The following HMGB1 variants were observed in gnomAD, a reference collection of about 807,000 sequenced individuals.
The protein encoded by HMGB1 is high mobility group protein B1.
For synonymous variants in HMGB1, 81 were observed against 84.0 expected, an observed-to-expected ratio of 0.96 and a Z score of 0.19; for missense variants, 79 against 253.5, an observed-to-expected ratio of 0.31 and a Z score of 4.67.
intron 1 of HMGB1, among the ~76,000 whole-genome samples, chr13:30,605,867 C>T (rs1337769602): frequency 6.6e-6 from 1 of 152,168 alleles, no homozygotes; most frequent in Non-Finnish European, 1.5e-5. Context: ...CCTGTATGTA[C>T]TGTGTATTGT....
At position 30,531,895 on chromosome 13, in the gene HMGB1, AAAAT is replaced by A. The variant is rs939076277; in HGVS notation, c.-14-68205_-14-68202del. 5.3e-5 allele frequency among the ~76,000 whole-genome samples: 8 copies of A among 151,364 alleles called. No homozygotes were observed. The East Asian group carries it at 7.8e-4, about 15-fold the overall frequency. The stretch of plus-strand genomic sequence containing the variant: ...CTGGGCAATAGGGCAAGACTGTCTC[AAAAT>A]AAATAAATAAATAATAAATAAAATA... On this transcript the variant is annotated intron_variant, in intron 1 of 4. Coordinates refer to the HMGB1 transcript ENST00000405805.
At chr13:30,617,051 C>CT (rs1241555689) in exon 1 of HMGB1, 1 of 152,192 alleles carries the variant, frequency 6.6e-6, no homozygotes, top group Non-Finnish European at 1.5e-5. Context: ...CATGACCTTC[C>CT]TACGAAAGCA....
rs957146057 is a variant in HMGB1, at chr13:30,459,553, C to G, written c.*1804G>C. 6.6e-6 allele frequency: 1 copy of G among 152,216 alleles called. No homozygotes were observed. The highest frequency in any genetic ancestry group is 1.5e-5 in the Non-Finnish European group (1 of 68,036). 9.4% of individuals were successfully genotyped at this position (152,216 alleles called of 1,614,324 possible). Reference sequence around the variant, plus strand: ...TGTTCGACACAATTGCAGCCTATCACTAACCCTGCTGTTCGCTTGCATGTA... The same window carrying G: ...TGTTCGACACAATTGCAGCCTATCAGTAACCCTGCTGTTCGCTTGCATGTA... On this transcript the variant is annotated 3_prime_UTR_variant, in exon 5 of 5. Transcript: ENST00000341423.
At chr13:30,555,103 G>A (rs1310884472) in intron 1 of HMGB1, among the ~76,000 whole-genome samples, 2 of 145,802 alleles carry the variant, frequency 1.4e-5, no homozygotes, top group African/African-American at 2.6e-5. Flanking sequence ...GTACAGTGGC[G>A]CGATCTCGGC....
At chr13:30,569,810 A>G (rs1233984078) in intron 1 of HMGB1, among the ~76,000 whole-genome samples, 1 of 152,194 alleles carries the variant, frequency 6.6e-6, no homozygotes. Context: ...AAAAATGTAA[A>G]TAAGAAGGCT....
rs561081332 is a variant in HMGB1, at chr13:30,570,558, CCTT to C, written c.-15+46110_-15+46112del. 2.0e-5 allele frequency among the ~76,000 whole-genome samples: 3 copies of C among 152,166 alleles called. No homozygotes were observed. The South Asian group carries it at 6.2e-4, about 31-fold the overall frequency. ...GACACATAGGGGTCTACTTACATATCCTTCATGTAATTGAGCTTTTGTAAATCA... is the reference window on the plus strand; with the variant it reads ...GACACATAGGGGTCTACTTACATATCCATGTAATTGAGCTTTTGTAAATCA... On this transcript the variant is annotated intron_variant, in intron 1 of 4. Coordinates refer to the HMGB1 transcript ENST00000405805.
rs768381868 is a variant in HMGB1, at chr13:30,456,760, C to CCG, written c.*4596_*4597insCG. Reference sequence around the variant, plus strand: ...CAGCATAAATAACAGCTTTTGTGGGCGGGGGGGGGGGGTGGTGGGGTGCAA... The same window carrying CCG: ...CAGCATAAATAACAGCTTTTGTGGGCCGGGGGGGGGGGGGTGGTGGGGTGCAA... On this transcript the variant is annotated 3_prime_UTR_variant, in exon 5 of 5. Transcript: ENST00000341423. 34 of 13,542 alleles carry CCG rather than the reference C, an allele frequency of 2.5e-3. 1 individual carries two copies. The East Asian group carries it at 0.036, about 14-fold the overall frequency. The allele number at this position is 13,542 out of a possible 1,614,324, so 0.8% of individuals were successfully genotyped here. A position where few individuals can be genotyped will look rare whatever the true frequency, so the allele number is the denominator to read the frequency against.
intron 1 of HMGB1, among the ~76,000 whole-genome samples, chr13:30,592,870 T>TA (rs1370630067): frequency 0.019 from 2,830 of 149,490 alleles, 52 homozygotes; most frequent in Middle Eastern, 0.045. Flanking sequence ...GTGCTTTTTT[T>TA]TAAAAAAAAA....
At chr13:30,549,515 T>C (rs1238933572) in intron 1 of HMGB1, among the ~76,000 whole-genome samples, 1 of 152,128 alleles carries the variant, frequency 6.6e-6, no homozygotes, top group Non-Finnish European at 1.5e-5. Flanking sequence ...CCTGAGTAGC[T>C]GGGACTACAG....
chr13:30,465,916 C>A lies in HMGB1; in HGVS notation c.-135G>T. 2.0e-6 allele frequency: 2 copies of A among 986,030 alleles called. No individual in the cohort carries two copies. The highest frequency in any genetic ancestry group is 2.4e-6 in the Non-Finnish European group (2 of 830,044). The allele number at this position is 986,030 out of a possible 1,614,324, so 61.1% of individuals were successfully genotyped here. A position where few individuals can be genotyped will look rare whatever the true frequency, so the allele number is the denominator to read the frequency against. ...GCGGGAGCCAGACGCAGCCTCCTCA[C>A]TCTCTCCGCTCTGTAACATTACTCT... On this transcript the variant is annotated 5_prime_UTR_variant, in exon 1 of 5. Coordinates refer to ENST00000341423, the MANE Select transcript of HMGB1 (RefSeq NM_002128.7).
At chr13:30,523,129 T>C (rs994804886) in intron 1 of HMGB1, among the ~76,000 whole-genome samples, 2 of 152,232 alleles carry the variant, frequency 1.3e-5, no homozygotes, top group Non-Finnish European at 2.9e-5. Context: ...TGGGGAAGAA[T>C]GACTTTCTAG....
rs1178807833 is a variant in HMGB1 at position 30,459,751 on chromosome 13, A to G, written c.*1606T>C. ...AGGGAAAAACTTTGCCATCCCTTATACTTATTTAAAAGGTACTGCTAAGAG... is the reference window on the plus strand; with the variant it reads ...AGGGAAAAACTTTGCCATCCCTTATGCTTATTTAAAAGGTACTGCTAAGAG... On this transcript the variant is annotated 3_prime_UTR_variant, in exon 5 of 5. Coordinates refer to ENST00000341423, the MANE Select transcript of HMGB1 (RefSeq NM_002128.7). The G allele has an allele frequency of 6.6e-6, 1 of 152,164 alleles. No individual in the cohort carries two copies. Among genetic ancestry groups the G allele is most frequent in the Non-Finnish European group, 1.5e-5 (1 of 68,000 alleles). The allele number at this position is 152,164 out of a possible 1,614,324, so 9.4% of individuals were successfully genotyped here.
chr13:30,539,428 C>T (rs532710160), intron 1 of HMGB1, among the ~76,000 whole-genome samples: 3 of 152,272 alleles, frequency 2.0e-5, no homozygotes, highest in South Asian at 4.1e-4. Context: ...CCTTTGAACA[C>T]GTGTAGAGAA....
At chr13:30,468,314 G>A (rs1313204191), upstream of HMGB1, among the ~76,000 whole-genome samples, 4 of 152,090 alleles carry the variant, frequency 2.6e-5, no homozygotes, top group East Asian at 1.9e-4. Flanking sequence ...GGAGTGCAGC[G>A]GTGCAATCTC....
chr13:30,564,385 G>A (rs1410818441), intron 1 of HMGB1, among the ~76,000 whole-genome samples: 2 of 151,312 alleles, frequency 1.3e-5, no homozygotes, highest in African/African-American at 4.9e-5. Flanking sequence ...AGAATCATTT[G>A]AACCCAGGAG....
intron 1 of HMGB1, among the ~76,000 whole-genome samples, chr13:30,512,522 G>A (rs1888014892): frequency 6.6e-6 from 1 of 152,230 alleles, no homozygotes; most frequent in Admixed American, 6.5e-5. Flanking sequence ...CAATCCTGGA[G>A]CAGCTTGTTT....
At chr13:30,568,023 C>T (rs1022117432) in intron 1 of HMGB1, among the ~76,000 whole-genome samples, 4 of 152,158 alleles carry the variant, frequency 2.6e-5, no homozygotes, top group African/African-American at 4.8e-5. Flanking sequence ...TGACAACATA[C>T]GGGCAGTGAA....
chr13:30,505,716 T>C (rs1449498153), intron 1 of HMGB1, among the ~76,000 whole-genome samples: 1 of 152,152 alleles, frequency 6.6e-6, no homozygotes, highest in Non-Finnish European at 1.5e-5. Flanking sequence ...CCCATCCCGT[T>C]TCCATCTTAC....
At chr13:30,467,479 T>G (rs1410806405), upstream of HMGB1, among the ~76,000 whole-genome samples, 1 of 152,238 alleles carries the variant, frequency 6.6e-6, no homozygotes, top group Admixed American at 6.5e-5. Flanking sequence ...ATTATAGTCT[T>G]GGTGAATGGA....
Sources: gnomAD v4.1 joint callset for allele counts (sites outside exome capture counted in the v4.1 genomes callset) on GRCh38, gnomAD v4.1.1 for gene constraint, MANE v1.5 for transcripts, NCBI Gene and HGNC (gene_info 2026-07-23, HGNC 2026-07-21) for gene names.